RANBP17: variants seen among roughly 807,000 people sequenced by gnomAD.
RANBP17 encodes the protein RAN binding protein 17.
A neutral mutation model predicts 141.2 loss-of-function variants in RANBP17; 158 were observed. That is an observed-to-expected ratio of 1.12 (90% confidence interval 0.98 to 1.28). The LOEUF (loss-of-function observed/expected upper bound fraction) is 1.28. RANBP17 is among the 50% of genes most tolerant of loss of function. The pLI is 0.00. For missense variants in RANBP17, 1,438 were observed against 1,290.7 expected (o/e 1.11, Z -1.75); for synonymous variants, 430 against 450.0 (o/e 0.96, Z 0.56).
intron 14 of RANBP17, among the ~76,000 whole-genome samples, chr5:171,015,047 C>G (rs1238381248): frequency 6.6e-6 from 1 of 151,914 alleles, no homozygotes; most frequent in Non-Finnish European, 1.5e-5. Context: ...CTCCATTTCA[C>G]TGTATGTAAT....
intron 3 of RANBP17, among the ~76,000 whole-genome samples, chr5:170,888,639 A>G (rs1769352395): frequency 6.6e-6 from 1 of 152,120 alleles, no homozygotes; most frequent in Non-Finnish European, 1.5e-5. Context: ...ATATCATGCC[A>G]TCTGTGAGCA....
intron 14 of RANBP17, among the ~76,000 whole-genome samples, chr5:171,025,112 T>G (rs187645665): frequency 1.3e-5 from 2 of 152,328 alleles, no homozygotes; most frequent in Non-Finnish European, 2.9e-5. Flanking sequence ...CTTCTATGTA[T>G]TTGATTGTTT....
chr5:171,132,273 GAAAGAAAGGAGAGA>G (rs752393095), intron 14 of RANBP17, among the ~76,000 whole-genome samples: 3 of 151,912 alleles, frequency 2.0e-5, no homozygotes, highest in Non-Finnish European at 2.9e-5. Context: ...GGGAAGGAAG[GAAAGAAAGGAGAGA>G]AAAGAAGGAA....
chr5:170,924,509 A>G lies in RANBP17; in HGVS notation c.1427A>G (p.His476Arg), dbSNP rs752666337. 3.1e-5 allele frequency: 50 copies of G among 1,611,370 alleles called. No homozygotes were observed. Among genetic ancestry groups the G allele is most frequent in the Non-Finnish European group, 4.2e-5 (50 of 1,178,202 alleles). The change falls in exon 12 of 28, where the codon CAT (histidine) becomes CGT (arginine). Residue 476 changes from histidine (H) to arginine (R), a missense_variant. By Grantham distance (29) the His-to-Arg change is conservative (BLOSUM62 0). Transcript: ENST00000523189. Reference protein sequence around the residue: ...QNAQNYQKLLHPYSGVTVDIT... With the variant: ...QNAQNYQKLLRPYSGVTVDIT... ...GCACAGAATTACCAAAAACTTCTGC[A>G]TCCATATTCTGGTGTAACTGTGGAC...
At chr5:171,014,204 C>CTA (rs910639974) in intron 14 of RANBP17, among the ~76,000 whole-genome samples, 51 of 151,660 alleles carry the variant, frequency 3.4e-4, no homozygotes, top group African/African-American at 1.0e-3. Flanking sequence ...TATCTTTAAC[C>CTA]TATCTATGTC....
chr5:171,006,956 A>G (rs1158241496), intron 14 of RANBP17, among the ~76,000 whole-genome samples: 1 of 152,146 alleles, frequency 6.6e-6, no homozygotes, highest in Non-Finnish European at 1.5e-5. Context: ...TCGCTTAGCT[A>G]TACCTGGGGA....
intron 16 of RANBP17, among the ~76,000 whole-genome samples, chr5:171,179,226 G>A (rs1036692487): frequency 3.9e-5 from 6 of 152,102 alleles, no homozygotes; most frequent in Non-Finnish European, 8.8e-5. Flanking sequence ...ATCAGAAATG[G>A]CCAGGTATCA....
intron 12 of RANBP17, among the ~76,000 whole-genome samples, chr5:170,939,574 C>T (rs1432255375): frequency 9.9e-5 from 15 of 151,828 alleles, no homozygotes; most frequent in Non-Finnish European, 1.8e-4. Context: ...TTAGTAGAGA[C>T]GGAGTTTCGC....
At chr5:171,175,544 G>T (rs1399198918) in intron 16 of RANBP17, among the ~76,000 whole-genome samples, 1 of 151,960 alleles carries the variant, frequency 6.6e-6, no homozygotes, top group Non-Finnish European at 1.5e-5. Context: ...CATCTGACAA[G>T]GCTAATATCC....
chr5:171,109,875 A>G (rs1261525909), intron 14 of RANBP17, among the ~76,000 whole-genome samples: 1 of 152,168 alleles, frequency 6.6e-6, no homozygotes, highest in Non-Finnish European at 1.5e-5. Flanking sequence ...CTTTGAAGAA[A>G]TATTATAGGT....
intron 14 of RANBP17, among the ~76,000 whole-genome samples, chr5:171,060,433 G>A (rs1356337770): frequency 1.3e-5 from 2 of 152,022 alleles, no homozygotes; most frequent in African/African-American, 4.8e-5. Flanking sequence ...TGTGGTTTTT[G>A]TCTTTGGTTC....
At chr5:171,244,567 C>G (rs930998836) in intron 24 of RANBP17, among the ~76,000 whole-genome samples, 1 of 152,134 alleles carries the variant, frequency 6.6e-6, no homozygotes, top group African/African-American at 2.4e-5. Context: ...GTGCCTCAGC[C>G]TCCCAAGTAG....
intron 16 of RANBP17, among the ~76,000 whole-genome samples, chr5:171,178,817 T>G (rs1760693113): frequency 6.6e-6 from 1 of 152,256 alleles, no homozygotes; most frequent in South Asian, 2.1e-4. Context: ...CATAAATGTC[T>G]TCTTTTGAGA....
In RANBP17 at chr5:171,221,844, A is replaced by G; in HGVS notation, c.2422+4A>G. On this transcript the variant is annotated splice_donor_region_variant and intron_variant, in intron 22 of 27. Transcript: ENST00000523189. ...AGTAAAATGGTTTGCACTTATGGTG[A>G]GTGTCCTTTTCCATATGTGCCTCTG... is the stretch of plus-strand genomic sequence containing the variant. The G allele has an allele frequency of 6.5e-7, 1 of 1,547,738 alleles. No individual in the cohort carries two copies. Among genetic ancestry groups the G allele is most frequent in the Non-Finnish European group, 8.9e-7 (1 of 1,121,502 alleles).
At chr5:171,280,359 C>A (rs1485361802) in intron 25 of RANBP17, among the ~76,000 whole-genome samples, 1 of 152,150 alleles carries the variant, frequency 6.6e-6, no homozygotes, top group East Asian at 1.9e-4. Flanking sequence ...CTCACTGTGA[C>A]CTCTGCCTCC....
intron 14 of RANBP17, among the ~76,000 whole-genome samples, chr5:170,989,756 G>A (rs1294815699): frequency 6.6e-6 from 1 of 151,660 alleles, no homozygotes; most frequent in Non-Finnish European, 1.5e-5. Flanking sequence ...GCTAACTCAT[G>A]TTCTTATCTA....
intron 14 of RANBP17, among the ~76,000 whole-genome samples, chr5:171,026,305 A>G (rs1054516879): frequency 1.3e-5 from 2 of 152,216 alleles, no homozygotes; most frequent in Admixed American, 1.3e-4. Flanking sequence ...TTATGTGGGG[A>G]AACAGGCTCA....
intron 14 of RANBP17, among the ~76,000 whole-genome samples, chr5:171,036,828 C>G (rs967793309): frequency 9.2e-5 from 14 of 152,098 alleles, no homozygotes; most frequent in African/African-American, 3.4e-4. Context: ...TTTTCTTTAC[C>G]CAGTCCATCA....
In RANBP17 at chr5:170,997,182, C is replaced by T. The variant is rs758966677; in HGVS notation, c.1710+28805C>T. Among the ~76,000 whole-genome samples, 10 of 152,272 alleles carry T rather than the reference C, an allele frequency of 6.6e-5. No homozygotes were observed. The East Asian group carries it at 1.5e-3, about 24-fold the overall frequency. On this transcript the variant is annotated intron_variant, in intron 14 of 27. Coordinates refer to ENST00000523189, the MANE Select transcript of RANBP17 (RefSeq NM_022897.5). ...TGAAGAACTTGCATTGTTTCCCCTT[C>T]GCCTTCTGCCGTGATTGTAAGTTTC...
Sources: allele counts gnomAD v4.1 joint callset (sites outside exome capture counted in the v4.1 genomes callset), GRCh38; gene constraint gnomAD v4.1.1; transcripts MANE v1.5; gene names NCBI Gene and HGNC (gene_info 2026-07-23, HGNC 2026-07-21).